The following RORA variants were observed in gnomAD, a reference collection of about 807,000 sequenced individuals.
The protein encoded by RORA is RAR related orphan receptor A, also known as nuclear receptor ROR-alpha.
A neutral mutation model predicts 69.5 loss-of-function variants in RORA; 7 were observed. The ratio of observed to expected loss-of-function variants is 0.10; its 90% confidence interval spans 0.06 to 0.19. RORA has a LOEUF of 0.19. RORA is among the 10% of genes least tolerant of loss of function. The probability of loss-of-function intolerance (pLI) is 1.00; values close to 1 mark genes in which losing one functional copy is unlikely to be tolerated. For missense variants in RORA, 457 were observed against 663.0 expected, an observed-to-expected ratio of 0.69 and a Z score of 3.41; for synonymous variants, 261 against 240.8, an observed-to-expected ratio of 1.08 and a Z score of -0.78.
At chr15:61,145,032 C>G (rs919709264) in intron 1 of RORA, among the ~76,000 whole-genome samples, 1 of 152,084 alleles carries the variant, frequency 6.6e-6, no homozygotes, top group Non-Finnish European at 1.5e-5. Flanking sequence ...TGATGGTATA[C>G]GCCTCTATCT....
At chr15:60,518,291 C>T (rs2066033781) in intron 3 of RORA, among the ~76,000 whole-genome samples, 1 of 152,200 alleles carries the variant, frequency 6.6e-6, no homozygotes, top group Non-Finnish European at 1.5e-5. Flanking sequence ...AACTTCCACC[C>T]ACCATTAATA....
intron 1 of RORA, among the ~76,000 whole-genome samples, chr15:61,129,379 C>A (rs530324523): frequency 6.6e-6 from 1 of 151,880 alleles, no homozygotes; most frequent in Non-Finnish European, 1.5e-5. Context: ...TCCATTTATA[C>A]GGAATATCTA....
chr15:60,685,400 A>G (rs1439396325), intron 1 of RORA, among the ~76,000 whole-genome samples: 1 of 152,254 alleles, frequency 6.6e-6, no homozygotes, highest in East Asian at 1.9e-4. Context: ...CCTAGAATTT[A>G]GGCTTCTTTT....
At chr15:60,798,161 C>T (rs2072524714) in intron 1 of RORA, among the ~76,000 whole-genome samples, 1 of 151,224 alleles carries the variant, frequency 6.6e-6, no homozygotes. Flanking sequence ...TGTGTGAGCC[C>T]CAAACAATGA....
chr15:60,851,394 TG>T (rs1484594009), intron 1 of RORA, among the ~76,000 whole-genome samples: 4 of 152,008 alleles, frequency 2.6e-5, no homozygotes, highest in Non-Finnish European at 5.9e-5. Context: ...TTAGGGCCCC[TG>T]GGTGTGAGCG....
At chr15:61,188,934 T>C (rs2079770511) in intron 1 of RORA, among the ~76,000 whole-genome samples, 1 of 152,116 alleles carries the variant, frequency 6.6e-6, no homozygotes, top group Non-Finnish European at 1.5e-5. Context: ...TAAGAACTAA[T>C]ATTGCAAGTA....
At chr15:60,978,958 G>GCC (rs1202416945) in intron 1 of RORA, among the ~76,000 whole-genome samples, 27 of 53,666 alleles carry the variant, frequency 5.0e-4, no homozygotes, top group African/African-American at 1.5e-3. Flanking sequence ...CTCCAACTTT[G>GCC]CTCTTTTTTT....
chr15:60,942,850 A>T (rs540600032), intron 1 of RORA, among the ~76,000 whole-genome samples: 1 of 152,364 alleles, frequency 6.6e-6, no homozygotes, highest in African/African-American at 2.4e-5. Flanking sequence ...CACAATTCCA[A>T]GGCTGGCCTT....
intron 1 of RORA, chr15:60,848,728 C>G (rs1392898644): frequency 2.0e-5 from 3 of 153,114 alleles, no homozygotes; most frequent in African/African-American, 7.2e-5. Context: ...CGTGGTGGAG[C>G]AGGAGAGAGA....
intron 2 of RORA, among the ~76,000 whole-genome samples, chr15:60,614,386 A>T (rs1458309820): frequency 6.6e-6 from 1 of 152,160 alleles, no homozygotes; most frequent in Non-Finnish European, 1.5e-5. Context: ...GAAATAAAAA[A>T]ATTGGAGCAG....
At chr15:61,062,547 G>T (rs953817901) in intron 1 of RORA, among the ~76,000 whole-genome samples, 3 of 152,166 alleles carry the variant, frequency 2.0e-5, no homozygotes, top group African/African-American at 7.2e-5. Flanking sequence ...AGAAGAGCAG[G>T]GCGAGTGATT....
At chr15:61,123,092 A>G (rs1307313406) in intron 1 of RORA, among the ~76,000 whole-genome samples, 1 of 152,124 alleles carries the variant, frequency 6.6e-6, no homozygotes, top group African/African-American at 2.4e-5. Context: ...GCTATTTCCC[A>G]GGGCCAGGAA....
chr15:60,751,461 G>A (rs562544541), intron 1 of RORA, among the ~76,000 whole-genome samples: 4 of 152,226 alleles, frequency 2.6e-5, no homozygotes, highest in Admixed American at 6.5e-5. Flanking sequence ...TAGACCAGGC[G>A]CTATGCCAAT....
chr15:60,868,381 C>T (rs145559682), intron 1 of RORA, among the ~76,000 whole-genome samples: 113 of 152,312 alleles, frequency 7.4e-4, no homozygotes, highest in East Asian at 6.8e-3. Flanking sequence ...ACATGTCAAG[C>T]TCTCAAGCTC....
chr15:61,070,790 T>C (rs1566973711), intron 1 of RORA, among the ~76,000 whole-genome samples: 1 of 152,234 alleles, frequency 6.6e-6, no homozygotes, highest in Non-Finnish European at 1.5e-5. Context: ...TAACATTTCA[T>C]ACTCTTTTCA....
chr15:60,533,809 G>T (rs1296698838), intron 2 of RORA, among the ~76,000 whole-genome samples: 1 of 152,186 alleles, frequency 6.6e-6, no homozygotes, highest in Non-Finnish European at 1.5e-5. Flanking sequence ...ATTTATACAT[G>T]AAATGAAGAA....
intron 1 of RORA, among the ~76,000 whole-genome samples, chr15:60,922,843 C>A (rs1489729279): frequency 6.6e-6 from 1 of 152,180 alleles, no homozygotes; most frequent in Non-Finnish European, 1.5e-5. Context: ...AAAACTACAT[C>A]TAATACTATA....
intron 8 of RORA, 60 bp from the exon 9 acceptor site, chr15:60,501,129 T>A: frequency 1.2e-6 from 1 of 866,800 alleles, no homozygotes; most frequent in Non-Finnish European, 1.9e-6. Flanking sequence ...GAGAAAAACC[T>A]AGGTCTTAGG....
chr15:61,191,348 C>G (rs895037936), intron 1 of RORA, among the ~76,000 whole-genome samples: 2 of 138,280 alleles, frequency 1.4e-5, no homozygotes, highest in African/African-American at 5.4e-5. Flanking sequence ...CACACCTAGG[C>G]TGCCATCTCC....
Sources: allele counts gnomAD v4.1 joint callset (sites outside exome capture counted in the v4.1 genomes callset), GRCh38; gene constraint gnomAD v4.1.1; transcripts MANE v1.5; gene names NCBI Gene and HGNC (gene_info 2026-07-23, HGNC 2026-07-21).